SLC25A26: variants seen among roughly 807,000 people sequenced by gnomAD.
SLC25A26 encodes the protein solute carrier family 25 member 26.
SLC25A26 carries 36 observed loss-of-function variants against 37.8 expected under a neutral mutation model. That is an observed-to-expected ratio of 0.95 (90% CI 0.73 to 1.26). The LOEUF (loss-of-function observed/expected upper bound fraction) is 1.26. Ranked by LOEUF, SLC25A26 falls within the 50% of genes most tolerant of loss-of-function variation. SLC25A26 has a pLI of 0.00. For missense variants in SLC25A26, 390 were observed against 331.1 expected (o/e 1.18, Z -1.38); for synonymous variants, 129 against 122.5 (o/e 1.05, Z -0.35).
chr3:66,336,412 A>C (rs1288411660), intron 5 of SLC25A26, among the ~76,000 whole-genome samples: 1 of 152,194 alleles, frequency 6.6e-6, no homozygotes, highest in African/African-American at 2.4e-5. Flanking sequence ...GGAACTGTAC[A>C]CAGTGATGTC....
intron 1 of SLC25A26, among the ~76,000 whole-genome samples, chr3:66,166,379 C>G (rs973116548): frequency 1.3e-5 from 2 of 152,206 alleles, no homozygotes; most frequent in Non-Finnish European, 2.9e-5. Flanking sequence ...ACTCAAACAA[C>G]TCTCCTTGCT....
At chr3:66,197,433 T>A (rs999928687) in intron 1 of SLC25A26, among the ~76,000 whole-genome samples, 16 of 152,228 alleles carry the variant, frequency 1.1e-4, no homozygotes, top group African/African-American at 3.9e-4. Flanking sequence ...AGGATCAGGA[T>A]AAGTCTCAGG....
intron 1 of SLC25A26, among the ~76,000 whole-genome samples, chr3:66,210,549 T>TAGG (rs2071271332): frequency 6.6e-6 from 1 of 151,984 alleles, no homozygotes; most frequent in Non-Finnish European, 1.5e-5. Context: ...GGGGTCTCAC[T>TAGG]CTGTCACTAG....
Position 66,377,954 on chromosome 3 carries a change from G to A in SLC25A26, c.*147G>A. 1 of 642,068 alleles carries A rather than the reference G, an allele frequency of 1.6e-6. No homozygotes were observed. Among genetic ancestry groups the A allele is most frequent in the Non-Finnish European group, 2.7e-6 (1 of 368,116 alleles). The allele number at this position is 642,068 out of a possible 1,614,324, so 39.8% of individuals were successfully genotyped here. On this transcript the variant is annotated 3_prime_UTR_variant, in exon 10 of 10. Transcript: ENST00000354883. ...CGGCATGGAGATTGTGCCATCCGTG[G>A]TATAGGCTGGCTGGTATGAAGTCAT... is the stretch of plus-strand genomic sequence containing the variant.
intron 5 of SLC25A26, chr3:66,304,409 G>C: frequency 2.2e-6 from 1 of 456,046 alleles, no homozygotes; most frequent in Non-Finnish European, 4.4e-6. Context: ...TTTCAGTTTT[G>C]TGTTCACATG....
At chr3:66,259,184 C>T (rs1193165074) in intron 3 of SLC25A26, among the ~76,000 whole-genome samples, 1 of 152,196 alleles carries the variant, frequency 6.6e-6, no homozygotes, top group Non-Finnish European at 1.5e-5. Context: ...CAGGTGTGCC[C>T]TGCAACATTA....
chr3:66,138,653 G>T (rs933949579), intron 1 of SLC25A26, among the ~76,000 whole-genome samples: 1 of 151,600 alleles, frequency 6.6e-6, no homozygotes, highest in African/African-American at 2.4e-5. Flanking sequence ...GGGGAGGGGG[G>T]GTAGGGATGT....
At chr3:66,340,702 T>A (rs2076190140) in intron 5 of SLC25A26, among the ~76,000 whole-genome samples, 1 of 152,104 alleles carries the variant, frequency 6.6e-6, no homozygotes, top group South Asian at 2.1e-4. Context: ...TTGTTTATCC[T>A]TACGCCTTGT....
At chr3:66,197,466 C>T (rs2071060265) in intron 1 of SLC25A26, among the ~76,000 whole-genome samples, 1 of 152,040 alleles carries the variant, frequency 6.6e-6, no homozygotes, top group Non-Finnish European at 1.5e-5. Flanking sequence ...GTCAGATCAA[C>T]ATCAGGTGAG....
At chr3:66,315,790 G>T (rs747174155) in intron 5 of SLC25A26, among the ~76,000 whole-genome samples, 3 of 152,118 alleles carry the variant, frequency 2.0e-5, no homozygotes, top group Non-Finnish European at 4.4e-5. Context: ...ATGAATCTAG[G>T]TGCTCCTGTA....
chr3:66,373,443 G>A (rs751356107), intron 9 of SLC25A26, among the ~76,000 whole-genome samples: 22 of 152,316 alleles, frequency 1.4e-4, no homozygotes, highest in Non-Finnish European at 3.1e-4. Flanking sequence ...CTGAGCTTGT[G>A]AGTGGCAGAA....
chr3:66,280,753 C>T (rs973947902), intron 5 of SLC25A26, among the ~76,000 whole-genome samples: 1 of 151,978 alleles, frequency 6.6e-6, no homozygotes, highest in African/African-American at 2.4e-5. Flanking sequence ...CCAGGATTCA[C>T]CAGTTAACAT....
intron 6 of SLC25A26, among the ~76,000 whole-genome samples, chr3:66,353,139 C>T (rs569628210): frequency 1.2e-4 from 19 of 152,270 alleles, no homozygotes; most frequent in Middle Eastern, 3.4e-3. Flanking sequence ...GGAAGCAGGG[C>T]TCAATAAGGT....
intron 5 of SLC25A26, among the ~76,000 whole-genome samples, chr3:66,341,307 TAC>T (rs1235828310): frequency 6.6e-6 from 1 of 152,138 alleles, no homozygotes; most frequent in Non-Finnish European, 1.5e-5. Flanking sequence ...AATATTTAAA[TAC>T]TTCTTAAAAA....
chr3:66,350,596 A>G (rs1238244332), intron 6 of SLC25A26, among the ~76,000 whole-genome samples: 1 of 152,206 alleles, frequency 6.6e-6, no homozygotes, highest in East Asian at 1.9e-4. Context: ...TCTCAGGAAC[A>G]TATAACTTTC....
chr3:66,195,330 C>T (rs1038422578), intron 1 of SLC25A26, among the ~76,000 whole-genome samples: 3 of 152,252 alleles, frequency 2.0e-5, no homozygotes, highest in Non-Finnish European at 2.9e-5. Context: ...TGAGCATGCA[C>T]AGACTATTCC....
intron 1 of SLC25A26, among the ~76,000 whole-genome samples, chr3:66,208,378 T>A (rs1445459424): frequency 6.6e-6 from 1 of 152,006 alleles, no homozygotes; most frequent in Admixed American, 6.6e-5. Context: ...AAGGAAATCA[T>A]GGCAGGCCAA....
intron 1 of SLC25A26, among the ~76,000 whole-genome samples, chr3:66,204,207 C>T (rs2071144656): frequency 6.6e-6 from 1 of 151,906 alleles, no homozygotes; most frequent in Non-Finnish European, 1.5e-5. Flanking sequence ...GGGCGGATCA[C>T]GAGGTCAGGA....
chr3:66,301,509 G>A (rs2075075486), intron 5 of SLC25A26, among the ~76,000 whole-genome samples: 1 of 152,160 alleles, frequency 6.6e-6, no homozygotes. Flanking sequence ...GTATTTTTAT[G>A]TAAGCAGAAG....
Sources: allele counts gnomAD v4.1 joint callset (sites outside exome capture counted in the v4.1 genomes callset), GRCh38; gene constraint gnomAD v4.1.1; transcripts MANE v1.5; gene names NCBI Gene and HGNC (gene_info 2026-07-23, HGNC 2026-07-21).